INVS: variants seen among roughly 807,000 people sequenced by gnomAD.
The protein encoded by INVS is inversin, also known as inversion of embryo turning homolog.
Under a neutral mutation model 108.8 loss-of-function variants are expected in INVS, and 86 were observed. The ratio of observed to expected loss-of-function variants is 0.79; its 90% CI spans 0.66 to 0.95. The LOEUF is 0.95. Among genes scored for constraint, INVS ranks in the 40% least tolerant of loss-of-function variants. The pLI, the probability that INVS is intolerant of heterozygous loss-of-function variation, is 0.00. For synonymous variants in INVS, 455 were observed against 473.5 expected (o/e 0.96, Z 0.51); for missense variants, 1,169 against 1,297.4 (o/e 0.90, Z 1.52).
intron 7 of INVS, among the ~76,000 whole-genome samples, chr9:100,243,202 C>G (rs1335339796): frequency 6.6e-6 from 1 of 152,152 alleles, no homozygotes; most frequent in Non-Finnish European, 1.5e-5. Context: ...GTCCTTAAAG[C>G]AGTGTGGCAA....
intron 3 of INVS, among the ~76,000 whole-genome samples, chr9:100,170,411 A>G (rs1171667292): frequency 4.6e-5 from 6 of 130,172 alleles, no homozygotes; most frequent in African/African-American, 1.5e-4. Flanking sequence ...AAAAAAAAAA[A>G]TTTAAATTAG....
chr9:100,272,523 A>G (rs1366697457), intron 11 of INVS, among the ~76,000 whole-genome samples: 1 of 152,196 alleles, frequency 6.6e-6, no homozygotes, highest in East Asian at 1.9e-4. Context: ...CAATATTTTC[A>G]CTACCTTTTT....
At chr9:100,151,110 A>C (rs1781167739) in intron 3 of INVS, among the ~76,000 whole-genome samples, 1 of 152,214 alleles carries the variant, frequency 6.6e-6, no homozygotes, top group Non-Finnish European at 1.5e-5. Context: ...AGGGAAGAGC[A>C]TTCATTCCAG....
At chr9:100,177,070 A>G (rs1467496121) in intron 3 of INVS, among the ~76,000 whole-genome samples, 2 of 151,888 alleles carry the variant, frequency 1.3e-5, no homozygotes, top group African/African-American at 4.8e-5. Context: ...GCACTGTGCC[A>G]TGAGCAACGG....
chr9:100,140,204 A>G (rs561502525), intron 3 of INVS, among the ~76,000 whole-genome samples: 1 of 152,316 alleles, frequency 6.6e-6, no homozygotes, highest in East Asian at 1.9e-4. Flanking sequence ...GTGTAAAGAG[A>G]CCACCAAACA....
chr9:100,104,465 T>C (rs564170551), intron 1 of INVS, 33 bp from the exon 2 acceptor site: 1 of 1,168,620 alleles, frequency 8.6e-7, no homozygotes, highest in South Asian at 1.2e-5. Context: ...AAATGTTTGC[T>C]GCATGCGCTC....
intron 2 of INVS, among the ~76,000 whole-genome samples, chr9:100,116,300 G>C (rs1035155844): frequency 6.6e-6 from 1 of 151,610 alleles, no homozygotes; most frequent in Non-Finnish European, 1.5e-5. Flanking sequence ...GTAGAGATGG[G>C]GTTTTGCCAT....
chr9:100,100,862 A>ATATATG (rs1826902114), intron 1 of INVS, among the ~76,000 whole-genome samples: 1 of 8,184 alleles, frequency 1.2e-4, no homozygotes, highest in East Asian at 8.1e-3. Flanking sequence ...TGTATATATA[A>ATATATG]TATATATATT....
intron 3 of INVS, among the ~76,000 whole-genome samples, chr9:100,203,649 T>C (rs989989894): frequency 1.3e-5 from 2 of 151,902 alleles, no homozygotes; most frequent in African/African-American, 4.8e-5. Flanking sequence ...ATTACAGGCA[T>C]GCGCCACCAT....
At chr9:100,136,564 A>T (rs1436686345) in intron 3 of INVS, among the ~76,000 whole-genome samples, 1 of 152,218 alleles carries the variant, frequency 6.6e-6, no homozygotes, top group African/African-American at 2.4e-5. Context: ...TGATTTATTC[A>T]AATCAGGACC....
intron 13 of INVS, among the ~76,000 whole-genome samples, chr9:100,286,698 A>G (rs1048831281): frequency 6.6e-6 from 1 of 152,212 alleles, no homozygotes; most frequent in Admixed American, 6.5e-5. Flanking sequence ...CCATAATGTG[A>G]CAGCCATGTT....
At chr9:100,173,193 A>T (rs576624338) in intron 3 of INVS, among the ~76,000 whole-genome samples, 2 of 152,340 alleles carry the variant, frequency 1.3e-5, no homozygotes, top group South Asian at 4.1e-4. Flanking sequence ...TAACATTTAT[A>T]AACTCTGAAC....
At chr9:100,236,568 A>T (rs367681194) in intron 5 of INVS, among the ~76,000 whole-genome samples, 20 of 151,950 alleles carry the variant, frequency 1.3e-4, no homozygotes, top group African/African-American at 4.8e-4. Context: ...GTTGATGTTG[A>T]TATTATTGCT....
chr9:100,297,620 T>C (rs1472054269), intron 15 of INVS, among the ~76,000 whole-genome samples: 1 of 152,226 alleles, frequency 6.6e-6, no homozygotes, highest in Non-Finnish European at 1.5e-5. Flanking sequence ...GATTAACTGC[T>C]GTAAATTGAA....
At chr9:100,215,259 G>A (rs535743230) in intron 3 of INVS, 2 of 152,088 alleles carry the variant, frequency 1.3e-5, no homozygotes, top group Non-Finnish European at 2.9e-5. Context: ...GCCACCCAAG[G>A]GATATATGAA....
At chr9:100,178,685 G>A (rs187242421) in intron 3 of INVS, among the ~76,000 whole-genome samples, 3 of 152,286 alleles carry the variant, frequency 2.0e-5, no homozygotes, top group East Asian at 3.9e-4. Flanking sequence ...TGAAAGTGAC[G>A]GGGAGAATGG....
rs915296608 is a variant in INVS at position 100,246,899 on chromosome 9, G to A, written c.1078+112G>A. ...AAATCATTGTTCCTAATCTAATATT[G>A]TTTGACTTTGGTCTTCAGTTTTAAG... On this transcript the variant is annotated intron_variant, in intron 8 of 16. Coordinates refer to ENST00000262457, the MANE Select transcript of INVS (RefSeq NM_014425.5). The A allele has an allele frequency of 9.7e-6, 10 of 1,026,852 alleles. No homozygotes were observed. In the African/African-American group the frequency reaches 1.3e-4, roughly 13 times the overall value. The allele number at this position is 1,026,852 out of a possible 1,614,324, so 63.6% of individuals were successfully genotyped here. A position where few individuals can be genotyped will look rare whatever the true frequency, so the allele number is the denominator to read the frequency against.
At position 100,292,749 on chromosome 9, in the gene INVS, C is replaced by T. The variant is rs1365569905; in HGVS notation, c.2492C>T (p.Pro831Leu). Residue 831 changes from proline (P) to leucine (L), a missense_variant, in exon 14 of 17, where the codon CCA becomes CTA. By Grantham distance (98) the Pro-to-Leu change is moderately conservative. Transcript: ENST00000262457. ...CAGAATCCTCCCCACCATCGTACACCAAGAAACAAAGTGACACAAGCCAAG... is the reference window on the plus strand; with the variant it reads ...CAGAATCCTCCCCACCATCGTACACTAAGAAACAAAGTGACACAAGCCAAG... ...AGQNPPHHRT[P>L]RNKVTQAKLT... 3.1e-6 allele frequency: 5 copies of T among 1,614,154 alleles called. No individual in the cohort carries two copies. The highest frequency in any genetic ancestry group is 1.6e-4 in the Middle Eastern group (1 of 6,062).
intron 3 of INVS, among the ~76,000 whole-genome samples, chr9:100,166,198 A>G (rs983788899): frequency 4.6e-5 from 7 of 152,194 alleles, no homozygotes; most frequent in African/African-American, 1.7e-4. Context: ...TCAAATATGT[A>G]TCTGTTTGAC....
Sources: gnomAD v4.1 joint callset for allele counts (sites outside exome capture counted in the v4.1 genomes callset) on GRCh38, gnomAD v4.1.1 for gene constraint, MANE v1.5 for transcripts, NCBI Gene and HGNC (gene_info 2026-07-23, HGNC 2026-07-21) for gene names.